The following DMXL1 variants were observed in gnomAD, a reference collection of about 807,000 sequenced individuals.
DMXL1 encodes the protein Dmx like 1.
DMXL1 carries 99 observed loss-of-function variants against 319.2 expected under a neutral mutation model. The observed-to-expected ratio is 0.31, with a 90% confidence interval of 0.26 to 0.37. The LOEUF is 0.37. DMXL1 is among the 10% of genes least tolerant of loss of function. The pLI, the probability that DMXL1 is intolerant of heterozygous loss-of-function variation, is 1.00. For missense variants in DMXL1, 3,745 were observed against 3,595.6 expected (o/e 1.04, Z -1.06); for synonymous variants, 1,385 against 1,235.2 (o/e 1.12, Z -2.54).
At chr5:119,074,519 C>A (rs1162007444) in intron 1 of DMXL1, among the ~76,000 whole-genome samples, 1 of 152,172 alleles carries the variant, frequency 6.6e-6, no homozygotes, top group East Asian at 1.9e-4. Context: ...ACTCATAAAG[C>A]CTGACAGGTT....
intron 1 of DMXL1, among the ~76,000 whole-genome samples, chr5:119,074,134 G>T (rs1750282766): frequency 6.6e-6 from 1 of 152,156 alleles, no homozygotes; most frequent in Admixed American, 6.5e-5. Flanking sequence ...GGTCAGGCTG[G>T]TCTGGAGCTC....
intron 39 of DMXL1, among the ~76,000 whole-genome samples, chr5:119,233,700 A>T (rs1022685430): frequency 1.3e-5 from 2 of 152,160 alleles, no homozygotes; most frequent in African/African-American, 4.8e-5. Context: ...CCAAACGATT[A>T]TAAGTTCACC....
At chr5:119,125,496 C>T (rs911679220) in intron 9 of DMXL1, among the ~76,000 whole-genome samples, 1 of 152,122 alleles carries the variant, frequency 6.6e-6, no homozygotes, top group Non-Finnish European at 1.5e-5. Flanking sequence ...AAATGAATTA[C>T]TAATGAGATT....
At chr5:119,196,298 G>T in intron 30 of DMXL1, 73 bp from the exon 31 acceptor site, 2 of 1,137,220 alleles carry the variant, frequency 1.8e-6, no homozygotes, top group South Asian at 1.2e-5. Flanking sequence ...GGAATTTGTT[G>T]AGTCAAAGGG....
At chr5:119,194,637 G>C (rs1008672663) in intron 30 of DMXL1, among the ~76,000 whole-genome samples, 1 of 152,192 alleles carries the variant, frequency 6.6e-6, no homozygotes, top group Non-Finnish European at 1.5e-5. Context: ...AAGTTACCAT[G>C]AGATTTTTAC....
At chr5:119,142,345 G>A (rs537406874) in intron 13 of DMXL1, among the ~76,000 whole-genome samples, 77 of 151,872 alleles carry the variant, frequency 5.1e-4, no homozygotes, top group African/African-American at 1.4e-3. Context: ...ATTTACAAGA[G>A]AAAAACAGCT....
chr5:119,173,746 A>ATATATATATATG (rs1775134513), intron 25 of DMXL1, among the ~76,000 whole-genome samples: 1 of 65,718 alleles, frequency 1.5e-5, no homozygotes, highest in Non-Finnish European at 3.1e-5. Flanking sequence ...GTATATATAT[A>ATATATATATATG]TGTGTGTGTA....
chr5:119,239,489 G>A (rs1788366811), intron 41 of DMXL1, among the ~76,000 whole-genome samples: 1 of 152,168 alleles, frequency 6.6e-6, no homozygotes, highest in South Asian at 2.1e-4. Flanking sequence ...TTTTCTTTGT[G>A]CTTAAGAAAA....
In DMXL1 at chr5:119,203,363, A is replaced by G; in HGVS notation, c.7790A>G (p.Tyr2597Cys). 1 of 1,607,620 alleles carries G rather than the reference A, an allele frequency of 6.2e-7. No individual in the cohort carries two copies. The highest frequency in any genetic ancestry group is 8.5e-7 in the Non-Finnish European group (1 of 1,177,364). The change falls in exon 33 of 44, where the codon TAT becomes TGT. Residue 2597 changes from tyrosine to cysteine, a missense_variant. Tyr to Cys is a radical substitution (Grantham distance 194). This residue lies in a region of DMXL1 where 1,382 missense variants were observed against 1,269.5 expected (regional missense o/e 1.09). Coordinates refer to ENST00000539542, the MANE Select transcript of DMXL1 (RefSeq NM_001290321.3). ...LALSVKRLWQ[Y>C]LVKQEEIQET... Reference sequence around the variant, plus strand: ...CTGTCTGTGAAGAGGCTTTGGCAGTATTTGGTGAAGCAGGAAGAAATTCAG... The same window carrying G: ...CTGTCTGTGAAGAGGCTTTGGCAGTGTTTGGTGAAGCAGGAAGAAATTCAG...
intron 1 of DMXL1, among the ~76,000 whole-genome samples, chr5:119,085,435 T>A (rs974715626): frequency 6.6e-6 from 1 of 152,104 alleles, no homozygotes; most frequent in Non-Finnish European, 1.5e-5. Context: ...GCTTTCTGAT[T>A]TCTTTGTAAG....
intron 33 of DMXL1, among the ~76,000 whole-genome samples, chr5:119,204,013 G>A (rs988278464): frequency 2.3e-4 from 35 of 151,612 alleles, no homozygotes; most frequent in African/African-American, 7.0e-4. Context: ...TAGTAGAGAC[G>A]GGGTTTCACT....
chr5:119,234,118 G>T (rs1581472371), intron 39 of DMXL1, among the ~76,000 whole-genome samples: 1 of 152,010 alleles, frequency 6.6e-6, no homozygotes, highest in South Asian at 2.1e-4. Context: ...TGCCAGACCT[G>T]CTCTAGAGCA....
In DMXL1 at chr5:119,133,918, A is replaced by T. The variant is rs1449395660; in HGVS notation, c.1994A>T (p.Asp665Val). The change falls in exon 12 of 44, where the codon GAT (aspartate) becomes GTT (valine). Residue 665 changes from aspartate (D) to valine (V), a missense_variant. Asp to Val is a radical substitution (Grantham distance 152). This residue lies in a region of DMXL1 where 2,096 missense variants were observed against 1,985.4 expected (regional missense o/e 1.06). Transcript: ENST00000539542. ...TSHHNALRTP[D>V]VDNPEQPFDA... ...CACCATAATGCATTAAGGACACCAG[A>T]TGTTGATAACCCAGAGCAACCTTTT... 4 of 1,614,060 alleles carry T rather than the reference A, an allele frequency of 2.5e-6. No homozygotes were observed. The South Asian group carries it at 4.4e-5, about 18-fold the overall frequency.
intron 42 of DMXL1, among the ~76,000 whole-genome samples, chr5:119,241,937 C>T (rs1039959695): frequency 6.6e-6 from 1 of 152,122 alleles, no homozygotes; most frequent in Non-Finnish European, 1.5e-5. Flanking sequence ...ACAGTATGTA[C>T]TATAATTAAT....
intron 10 of DMXL1, among the ~76,000 whole-genome samples, chr5:119,131,890 T>C (rs930781535): frequency 6.6e-6 from 1 of 152,226 alleles, no homozygotes; most frequent in Non-Finnish European, 1.5e-5. Flanking sequence ...TATTTGTGTG[T>C]GTGTTTGTAC....
rs143350038 is a variant in DMXL1, at chr5:119,133,956, A to G, written c.2032A>G (p.Ile678Val). 29 of 1,614,050 alleles carry G rather than the reference A, an allele frequency of 1.8e-5. No homozygotes were observed. Among genetic ancestry groups the G allele is most frequent in the African/African-American group, 2.7e-5 (2 of 74,912 alleles). The change falls in exon 12 of 44, where the codon ATT becomes GTT. Residue 678 changes from isoleucine to valine, a missense_variant. Ile to Val is a conservative substitution (Grantham distance 29, BLOSUM62 3). Transcript: ENST00000539542. The stretch of plus-strand genomic sequence containing the variant: ...AGAGCAACCTTTTGATGCTCTAAAT[A>G]TTGAAGAATGCTCTTTGACACAACA... ...NPEQPFDALN[I>V]EECSLTQQNK...
chr5:119,082,052 C>CAT (rs1752366227), intron 1 of DMXL1, among the ~76,000 whole-genome samples: 1 of 147,182 alleles, frequency 6.8e-6, no homozygotes, highest in South Asian at 2.2e-4. Context: ...CACACACACA[C>CAT]ACACATACAC....
At chr5:119,122,145 C>A (rs1762253636) in intron 9 of DMXL1, among the ~76,000 whole-genome samples, 1 of 134,310 alleles carries the variant, frequency 7.4e-6, no homozygotes, top group Non-Finnish European at 1.6e-5. Context: ...GGCTGACCCC[C>A]CCACCTCCCT....
At position 119,133,236 on chromosome 5, in the gene DMXL1, G is replaced by C. The variant is rs1019211938; in HGVS notation, c.1420G>C (p.Ala474Pro). The C allele has an allele frequency of 1.2e-6, 2 of 1,614,154 alleles. No homozygotes were observed. Among genetic ancestry groups the C allele is most frequent in the African/African-American group, 2.7e-5 (2 of 75,046 alleles). Residue 474 changes from alanine (A) to proline (P), a missense_variant, in exon 11 of 44, where the codon GCC becomes CCC. By Grantham distance (27) the Ala-to-Pro change is conservative. Transcript: ENST00000539542. ...NSSFTSLSSAAIDHQIEVLLS... is the reference protein window; with the variant it reads ...NSSFTSLSSAPIDHQIEVLLS... ...AAGTTTTACATCATTATCGTCAGCT[G>C]CCATTGATCATCAGATTGAAGTACT...
Sources: allele counts gnomAD v4.1 joint callset (sites outside exome capture counted in the v4.1 genomes callset), GRCh38; gene constraint gnomAD v4.1.1; regional missense constraint gnomAD v4.1.1; transcripts MANE v1.5; gene names NCBI Gene and HGNC (gene_info 2026-07-23, HGNC 2026-07-21).